CLIP2: variants seen among roughly 807,000 people sequenced by gnomAD.
CLIP2 encodes the protein CAP-Gly domain-containing linker protein 2.
A neutral mutation model predicts 111.7 loss-of-function variants in CLIP2; 41 were observed. The ratio of observed to expected loss-of-function variants is 0.37; its 90% CI spans 0.29 to 0.48. The LOEUF (loss-of-function observed/expected upper bound fraction) is 0.48, where lower values mean the gene tolerates loss of function less well. CLIP2 is among the 20% of genes least tolerant of loss of function. The pLI is 0.99. For synonymous variants in CLIP2, 660 were observed against 644.2 expected (o/e 1.02, Z -0.37); for missense variants, 1,160 against 1,422.1 (o/e 0.82, Z 2.96).
intron 7 of CLIP2, among the ~76,000 whole-genome samples, chr7:74,363,916 G>A (rs542483694): frequency 5.9e-4 from 88 of 147,998 alleles, no homozygotes; most frequent in Admixed American, 1.5e-3. Flanking sequence ...AAAAAAGGGA[G>A]GGAGGAAGGA....
chr7:74,363,034 C>T (rs1316025381), intron 7 of CLIP2, among the ~76,000 whole-genome samples: 4 of 151,184 alleles, frequency 2.6e-5, no homozygotes, highest in Non-Finnish European at 5.9e-5. Context: ...GATGGAGTTT[C>T]GCTCTTGTTG....
At chr7:74,389,361 A>G in intron 13 of CLIP2, 102 bp downstream of exon 13, 3 of 1,274,808 alleles carry the variant, frequency 2.4e-6, no homozygotes, top group Non-Finnish European at 3.2e-6. Flanking sequence ...AGGGGGATAG[A>G]GCTGGTGGGC....
chr7:74,320,685 A>G (rs930120004), intron 2 of CLIP2, among the ~76,000 whole-genome samples: 2 of 152,008 alleles, frequency 1.3e-5, no homozygotes, highest in African/African-American at 2.4e-5. Flanking sequence ...CGGGGGAGGG[A>G]AGGGCTCATT....
At position 74,376,596 on chromosome 7, in the gene CLIP2, T is replaced by C; in HGVS notation, c.2195T>C (p.Val732Ala). 1 of 1,612,612 alleles carries C rather than the reference T, an allele frequency of 6.2e-7. No individual in the cohort carries two copies. The highest frequency in any genetic ancestry group is 8.5e-7 in the Non-Finnish European group (1 of 1,179,658). ...CAGCGCCGGGATGCCGAGCTGCGTG[T>C]GCACGAGCTGGAAAAACTGGACGTG... is the stretch of plus-strand genomic sequence containing the variant. ...QDQRRDAELRVHELEKLDVEY... is the reference protein window; with the variant it reads ...QDQRRDAELRAHELEKLDVEY... Residue 732 changes from valine (V) to alanine (A), a missense_variant, in exon 10 of 17, where the codon GTG (valine) becomes GCG (alanine). By Grantham distance (64) the Val-to-Ala change is moderately conservative. This residue lies in a region of CLIP2 where 676 missense variants were observed against 777.8 expected (regional missense o/e 0.87). Coordinates refer to ENST00000223398, the MANE Select transcript of CLIP2 (RefSeq NM_003388.5). This position sits in a 1 kb window ranked among gnomAD's most constrained non-coding sequence, Gnocchi z 7.1.
At chr7:74,292,580 G>C (rs1425751039) in intron 1 of CLIP2, among the ~76,000 whole-genome samples, 1 of 151,966 alleles carries the variant, frequency 6.6e-6, no homozygotes, top group East Asian at 1.9e-4. Context: ...TAGAGGCAGG[G>C]TTTCACCATG....
At chr7:74,334,208 A>C (rs781865769) in intron 2 of CLIP2, among the ~76,000 whole-genome samples, 1 of 152,182 alleles carries the variant, frequency 6.6e-6, no homozygotes, top group Non-Finnish European at 1.5e-5. Context: ...GGAAGCTGAA[A>C]ATGTCTCAGC....
chr7:74,384,532 G>A lies in CLIP2; in HGVS notation c.2480-1989G>A, dbSNP rs566517020. 4.8e-4 allele frequency among the ~76,000 whole-genome samples: 65 copies of A among 134,882 alleles called. No homozygotes were observed. The East Asian group carries it at 0.01, about 21-fold the overall frequency. The allele number at this position is 134,882 out of a possible 152,430, so 88.5% of individuals were successfully genotyped here. On this transcript the variant is annotated intron_variant, in intron 11 of 16. Transcript: ENST00000223398. ...GCAATCTTGGCTCACTGCAACCTCC[G>A]CCTCCCAGGTTCAAGCGATTCTCCT...
intron 10 of CLIP2, among the ~76,000 whole-genome samples, chr7:74,379,578 C>T (rs782025119): frequency 5.9e-5 from 9 of 151,978 alleles, no homozygotes; most frequent in Non-Finnish European, 1.3e-4. Context: ...GCCTGGCCAA[C>T]ATGGTGAAAA....
chr7:74,376,641 A>G lies in CLIP2; in HGVS notation c.2240A>G (p.Gln747Arg). 1 of 1,613,424 alleles carries G rather than the reference A, an allele frequency of 6.2e-7. No individual in the cohort carries two copies. The highest frequency in any genetic ancestry group is 2.2e-5 in the East Asian group (1 of 44,854). ...GACGTGGAGTACCGGGGCCAGGCGCAGGCTATCGAGTTCCTCAAGGAGCAG... is the reference window on the plus strand; with the variant it reads ...GACGTGGAGTACCGGGGCCAGGCGCGGGCTATCGAGTTCCTCAAGGAGCAG... Reference protein sequence around the residue: ...KLDVEYRGQAQAIEFLKEQIS... With the variant: ...KLDVEYRGQARAIEFLKEQIS... Residue 747 changes from glutamine (Q) to arginine (R), a missense_variant, in exon 10 of 17, where the codon CAG (glutamine) becomes CGG (arginine). By Grantham distance (43) the Gln-to-Arg change is conservative (BLOSUM62 1). Coordinates refer to ENST00000223398, the MANE Select transcript of CLIP2 (RefSeq NM_003388.5). This position sits in a 1 kb window ranked among gnomAD's most constrained non-coding sequence, Gnocchi z 7.1.
At chr7:74,385,354 T>C (rs1317385222) in intron 11 of CLIP2, among the ~76,000 whole-genome samples, 1 of 150,642 alleles carries the variant, frequency 6.6e-6, no homozygotes, top group African/African-American at 2.4e-5. Flanking sequence ...TGGTCTCAGC[T>C]ACTCGGGAGG....
chr7:74,303,604 T>A (rs1554727209), intron 1 of CLIP2, among the ~76,000 whole-genome samples: 1 of 151,000 alleles, frequency 6.6e-6, no homozygotes, highest in African/African-American at 2.4e-5. Context: ...ATTTTTTTTT[T>A]TTTTTTTTTT....
intron 3 of CLIP2, among the ~76,000 whole-genome samples, chr7:74,346,475 C>T (rs1374499416): frequency 1.3e-5 from 2 of 151,828 alleles, no homozygotes; most frequent in Middle Eastern, 3.4e-3. Context: ...ATAATCCTGG[C>T]ATTTTGAGAG....
At chr7:74,371,298 C>T (rs995112407) in intron 8 of CLIP2, among the ~76,000 whole-genome samples, 3 of 149,094 alleles carry the variant, frequency 2.0e-5, no homozygotes, top group South Asian at 2.1e-4. Flanking sequence ...GGAGTGGGAC[C>T]GAATGAAGTT....
At chr7:74,329,890 C>T (rs1054906524) in intron 2 of CLIP2, among the ~76,000 whole-genome samples, 2 of 152,140 alleles carry the variant, frequency 1.3e-5, no homozygotes, top group African/African-American at 2.4e-5. Context: ...AGCAATTCTC[C>T]TGCCTCAGCC....
At chr7:74,387,393 C>T (rs1054631777) in intron 12 of CLIP2, among the ~76,000 whole-genome samples, 3 of 152,254 alleles carry the variant, frequency 2.0e-5, no homozygotes, top group South Asian at 2.1e-4. Context: ...GGATTACAGG[C>T]GCACACCACC....
chr7:74,335,795 T>C (rs1789436535), intron 2 of CLIP2, among the ~76,000 whole-genome samples: 1 of 150,996 alleles, frequency 6.6e-6, no homozygotes, highest in South Asian at 2.1e-4. Flanking sequence ...CAGGCTAGAG[T>C]GCAGTGACGC....
rs781960765 is a variant in CLIP2 at position 74,389,111 on chromosome 7, A to G, written c.2572A>G (p.Ser858Gly). Residue 858 changes from serine to glycine, a missense_variant, in exon 13 of 17, where the codon AGC becomes GGC. By Grantham distance (56) the Ser-to-Gly change is moderately conservative. Coordinates refer to ENST00000223398, the MANE Select transcript of CLIP2 (RefSeq NM_003388.5). ...MLRAQVSALE[S>G]KCKSGEKKVD... ...CTGCCGGCTGACCCCAGCGCTGGAG[A>G]GCAAGTGTAAGTCAGGCGAGAAGAA... 1.9e-5 allele frequency: 30 copies of G among 1,610,224 alleles called. No homozygotes were observed. The highest frequency in any genetic ancestry group is 2.4e-5 in the Non-Finnish European group (28 of 1,178,706).
chr7:74,393,150 C>T (rs1791344832), intron 13 of CLIP2, among the ~76,000 whole-genome samples: 1 of 151,632 alleles, frequency 6.6e-6, no homozygotes, highest in South Asian at 2.1e-4. Context: ...ATTCTCCTGC[C>T]TCAGCCTCCC....
At position 74,379,778 on chromosome 7, in the gene CLIP2, TAAAA is replaced by T. The variant is rs202201006; in HGVS notation, c.2422-1024_2422-1021del. Among the ~76,000 whole-genome samples, 353 of 149,916 alleles carry T rather than the reference TAAAA, an allele frequency of 2.4e-3. 2 individuals carry two copies. Among genetic ancestry groups the T allele is most frequent in the East Asian group, 0.016 (80 of 5,078 alleles). The stretch of plus-strand genomic sequence containing the variant: ...GAGACTCCATCTCAAAAAATAATAA[TAAAA>T]AAACCCCAAAATTAGCTGGGCGTGG... On this transcript the variant is annotated intron_variant, in intron 10 of 16. Coordinates refer to ENST00000223398, the MANE Select transcript of CLIP2 (RefSeq NM_003388.5).
Sources: gnomAD v4.1 joint callset for allele counts (sites outside exome capture counted in the v4.1 genomes callset) on GRCh38, gnomAD v4.1.1 for gene constraint, gnomAD v4.1.1 regional missense constraint, Gnocchi (gnomAD v3.1) non-coding constraint, MANE v1.5 for transcripts, NCBI Gene and HGNC (gene_info 2026-07-23, HGNC 2026-07-21) for gene names.